The following ANKRD13A variants were observed in gnomAD, a reference collection of about 807,000 sequenced individuals.
ANKRD13A encodes the protein ankyrin repeat domain 13A.
In ANKRD13A, 48 loss-of-function variants were observed where a neutral mutation model predicts 81.3. The ratio of observed to expected loss-of-function variants is 0.59; its 90% CI spans 0.47 to 0.75. ANKRD13A has a LOEUF of 0.75. Among genes scored for constraint, ANKRD13A ranks in the 30% least tolerant of loss-of-function variants. The probability of loss-of-function intolerance (pLI) is 0.00; values close to 1 mark genes in which losing one functional copy is unlikely to be tolerated. For synonymous variants in ANKRD13A, 230 were observed against 270.1 expected (o/e 0.85, Z 1.45); for missense variants, 612 against 734.0 (o/e 0.83, Z 1.92).
Position 110,024,813 on chromosome 12 carries a change from C to T in ANKRD13A, c.801+701C>T, listed in dbSNP as rs1028613904. Among the ~76,000 whole-genome samples, 3 of 152,202 alleles carry T rather than the reference C, an allele frequency of 2.0e-5. 1 individual carries two copies. Among genetic ancestry groups the T allele is most frequent in the Non-Finnish European group, 1.5e-5 (1 of 68,044 alleles). ...CAGCTTTGAATGTTGGGGCTCCTCACGTGGCATATAGAGAGAATTCTTTGT... is the reference window on the plus strand; with the variant it reads ...CAGCTTTGAATGTTGGGGCTCCTCATGTGGCATATAGAGAGAATTCTTTGT... On this transcript the variant is annotated intron_variant, in intron 7 of 14. Coordinates refer to ENST00000261739, the MANE Select transcript of ANKRD13A (RefSeq NM_033121.2).
intron 1 of ANKRD13A, among the ~76,000 whole-genome samples, chr12:110,008,901 G>A (rs1029418004): frequency 2.0e-5 from 3 of 151,926 alleles, no homozygotes; most frequent in African/African-American, 4.8e-5. Flanking sequence ...AAACCCATCT[G>A]GGCCTGCATT....
intron 1 of ANKRD13A, among the ~76,000 whole-genome samples, chr12:110,001,436 CT>C (rs529237445): frequency 0.02 from 2,823 of 139,716 alleles, 31 homozygotes; most frequent in South Asian, 0.055. Context: ...TTTTCTGTTT[CT>C]TTTTTTTTTT....
chr12:110,030,738 A>G lies in ANKRD13A; in HGVS notation c.1328A>G (p.Glu443Gly). Residue 443 changes from glutamate to glycine, a missense_variant, in exon 12 of 15, where the codon GAA (glutamate) becomes GGA (glycine). Transcript: ENST00000261739. ...TAEESVSQNV[E>G]GTQADSASHI... ...GAAGAATCTGTATCTCAAAATGTGG[A>G]AGGGACCCAGGCTGATTCAGGTAAA... 1.2e-6 allele frequency: 2 copies of G among 1,605,890 alleles called. No individual in the cohort carries two copies. The highest frequency in any genetic ancestry group is 1.7e-6 in the Non-Finnish European group (2 of 1,175,250).
rs1025986863 is a variant in ANKRD13A, at chr12:110,028,811, C to T, written c.1076+169C>T. The T allele has an allele frequency of 4.6e-5, 35 of 764,852 alleles. No individual in the cohort carries two copies. The African/African-American group carries it at 5.9e-4, about 13-fold the overall frequency. The allele number at this position is 764,852 out of a possible 1,614,324, so 47.4% of individuals were successfully genotyped here. ...GGAGTGCAGTGGCACGAACTCGGCTCACTGCAACCTCTGCCTCCCAGGTTC... is the reference window on the plus strand; with the variant it reads ...GGAGTGCAGTGGCACGAACTCGGCTTACTGCAACCTCTGCCTCCCAGGTTC... On this transcript the variant is annotated intron_variant, in intron 10 of 14. Coordinates refer to ENST00000261739, the MANE Select transcript of ANKRD13A (RefSeq NM_033121.2).
intron 8 of ANKRD13A, 141 bp downstream of exon 8, chr12:110,025,964 C>CAT: frequency 2.0e-6 from 1 of 505,154 alleles, no homozygotes. Flanking sequence ...CTCTCTCTCT[C>CAT]TTTTTTTTTT....
chr12:110,027,613 G>C lies in ANKRD13A; in HGVS notation c.884-92G>C, dbSNP rs922046784. Reference sequence around the variant, plus strand: ...GTCTGTAATTGCATTTCCTAATGAGGTAGCTTGGACCAGAAACTTTAATGA... The same window carrying C: ...GTCTGTAATTGCATTTCCTAATGAGCTAGCTTGGACCAGAAACTTTAATGA... On this transcript the variant is annotated intron_variant, in intron 8 of 14. Transcript: ENST00000261739. 1.1e-5 allele frequency: 13 copies of C among 1,177,288 alleles called. No individual in the cohort carries two copies. In the Admixed American group the frequency reaches 1.8e-4, roughly 16 times the overall value. 72.9% of individuals were successfully genotyped at this position (1,177,288 alleles called of 1,614,324 possible).
chr12:110,019,563 GAA>G (rs1890972893), intron 6 of ANKRD13A, among the ~76,000 whole-genome samples: 1 of 152,142 alleles, frequency 6.6e-6, no homozygotes, highest in Non-Finnish European at 1.5e-5. Flanking sequence ...AGAGTATGAA[GAA>G]ATGTCTTCCT....
chr12:110,036,405 G>A lies in ANKRD13A; in HGVS notation c.1577+77G>A. 1 of 1,441,648 alleles carries A rather than the reference G, an allele frequency of 6.9e-7. No homozygotes were observed. Among genetic ancestry groups the A allele is most frequent in the East Asian group, 2.3e-5 (1 of 43,822 alleles). The allele number at this position is 1,441,648 out of a possible 1,614,324, so 89.3% of individuals were successfully genotyped here. On this transcript the variant is annotated intron_variant, in intron 14 of 14. Coordinates refer to ENST00000261739, the MANE Select transcript of ANKRD13A (RefSeq NM_033121.2). This position sits in a 1 kb window ranked among gnomAD's most constrained non-coding sequence, Gnocchi z 4.6. ...CACAGGCGAGCAGACGCGTGGCACT[G>A]TGCATTTGGTCCTCAGGCAGATGTA...
At position 110,019,338 on chromosome 12, in the gene ANKRD13A, T is replaced by A. The variant is rs1011010280; in HGVS notation, c.734+10T>A. ...ATATTGCTTTTGAAAGGTACAAATT[T>A]AGACTCTAAATTTTAATGTCTAATC... On this transcript the variant is annotated intron_variant, in intron 6 of 14. Coordinates refer to ENST00000261739, the MANE Select transcript of ANKRD13A (RefSeq NM_033121.2). 1 of 1,586,294 alleles carries A rather than the reference T, an allele frequency of 6.3e-7. No individual in the cohort carries two copies. The highest frequency in any genetic ancestry group is 8.6e-7 in the Non-Finnish European group (1 of 1,163,506).
chr12:110,001,822 A>G (rs1889995636), intron 1 of ANKRD13A, among the ~76,000 whole-genome samples: 1 of 152,212 alleles, frequency 6.6e-6, no homozygotes, highest in African/African-American at 2.4e-5. Flanking sequence ...GAGATATGAC[A>G]CATGCCCTCA....
At chr12:110,027,886 C>G in intron 9 of ANKRD13A, 120 bp downstream of exon 9, 1 of 888,226 alleles carries the variant, frequency 1.1e-6, no homozygotes, top group Non-Finnish European at 1.8e-6. Context: ...AAGATACCCC[C>G]AAGCTGGAAT....
intron 1 of ANKRD13A, among the ~76,000 whole-genome samples, chr12:110,007,692 AT>A (rs1395171677): frequency 6.6e-6 from 1 of 151,870 alleles, no homozygotes; most frequent in Non-Finnish European, 1.5e-5. Context: ...TTCTTCTTTA[AT>A]TTTTTTTAAA....
Position 110,019,173 on chromosome 12 carries a change from T to C in ANKRD13A, c.579T>C (p.Asp193=). The C allele has an allele frequency of 1.9e-6, 3 of 1,608,430 alleles. No homozygotes were observed. In the South Asian group the frequency reaches 3.3e-5, roughly 18 times the overall value. Residue 193 remains aspartate, a synonymous_variant, in exon 6 of 15, where the codon GAT becomes GAC. Transcript: ENST00000261739. ...CGGAGTTAATGGAAGTCAACCATGA[T>C]GACAAAGTGGTCACCACCGAACGCT... The part of the protein sequence containing the change: ...NWAELMEVNH[D]DKVVTTERFD...
intron 1 of ANKRD13A, among the ~76,000 whole-genome samples, chr12:110,009,659 C>T (rs1269809642): frequency 2.0e-5 from 3 of 151,756 alleles, no homozygotes; most frequent in Non-Finnish European, 4.4e-5. Context: ...CATTTTTTTT[C>T]GACTGCCTCT....
At chr12:110,035,722 T>C (rs1313444986) in intron 13 of ANKRD13A, among the ~76,000 whole-genome samples, 1 of 152,088 alleles carries the variant, frequency 6.6e-6, no homozygotes, top group Non-Finnish European at 1.5e-5. Flanking sequence ...AGTGCTGGGA[T>C]TAGAGGTGTG....
chr12:109,999,594 C>A lies in ANKRD13A; in HGVS notation c.-95C>A. The A allele has an allele frequency of 9.5e-7, 1 of 1,057,608 alleles. No homozygotes were observed. The highest frequency in any genetic ancestry group is 1.8e-5 in the South Asian group (1 of 54,808). 65.5% of individuals were successfully genotyped at this position (1,057,608 alleles called of 1,614,324 possible). Reference sequence around the variant, plus strand: ...GCGTAACACGCCCTACGCTCGCTTGCTCGCCGGCCTCAGGGCAGGCAGGCG... The same window carrying A: ...GCGTAACACGCCCTACGCTCGCTTGATCGCCGGCCTCAGGGCAGGCAGGCG... On this transcript the variant is annotated 5_prime_UTR_variant, in exon 1 of 15. Transcript: ENST00000261739. This position sits in a 1 kb window ranked among gnomAD's most constrained non-coding sequence, Gnocchi z 4.3.
In ANKRD13A at chr12:110,025,821, A is replaced by C; in HGVS notation, c.881A>C (p.Lys294Thr). ...ACCGAGGAGGAAAAAAAGAGATATA[A>C]AGGTAATCACCACCACCCTCCCACC... Reference protein sequence around the residue: ...HLTEEEKKRYKADRNPLESLL... With the variant: ...HLTEEEKKRYTADRNPLESLL... Residue 294 changes from lysine to threonine, a missense_variant and splice_region_variant, in exon 8 of 15, where the codon AAA (lysine) becomes ACA (threonine). Transcript: ENST00000261739. The C allele has an allele frequency of 6.2e-7, 1 of 1,613,320 alleles. No homozygotes were observed. Among genetic ancestry groups the C allele is most frequent in the African/African-American group, 1.3e-5 (1 of 75,028 alleles).
At chr12:110,004,508 G>A (rs1302762629) in intron 1 of ANKRD13A, among the ~76,000 whole-genome samples, 3 of 151,840 alleles carry the variant, frequency 2.0e-5, no homozygotes, top group Non-Finnish European at 2.9e-5. Context: ...CCAGCTACCC[G>A]GGAGGCTGAG....
At chr12:110,009,307 C>G (rs1451581089) in intron 1 of ANKRD13A, among the ~76,000 whole-genome samples, 1 of 152,126 alleles carries the variant, frequency 6.6e-6, no homozygotes, top group Non-Finnish European at 1.5e-5. Context: ...TCTCGAACTC[C>G]CGACCTCTAG....
Sources: allele counts gnomAD v4.1 joint callset (sites outside exome capture counted in the v4.1 genomes callset), GRCh38; gene constraint gnomAD v4.1.1; non-coding constraint Gnocchi (gnomAD v3.1); transcripts MANE v1.5; gene names NCBI Gene and HGNC (gene_info 2026-07-23, HGNC 2026-07-21).